Variants in ZGPAT observed in about 807,000 individuals in gnomAD.
ZGPAT encodes the protein zinc finger CCCH-type and G-patch domain containing.
In ZGPAT, 39 loss-of-function variants were observed where a neutral mutation model predicts 47.9. That is an observed-to-expected ratio of 0.81 (90% confidence interval 0.63 to 1.06). The LOEUF (loss-of-function observed/expected upper bound fraction) is 1.06, where lower values mean the gene tolerates loss of function less well. ZGPAT is among the 50% of genes least tolerant of loss of function. The pLI, the probability that ZGPAT is intolerant of heterozygous loss-of-function variation, is 0.00. For missense variants in ZGPAT, 717 were observed against 681.4 expected, an observed-to-expected ratio of 1.05 and a Z score of -0.58; for synonymous variants, 348 against 292.9, an observed-to-expected ratio of 1.19 and a Z score of -1.92.
rs1416986761 is a variant in ZGPAT at position 63,735,152 on chromosome 20, T to C, written c.992-7T>C. On this transcript the variant is annotated splice_polypyrimidine_tract_variant and splice_region_variant and intron_variant, in intron 5 of 6. Coordinates refer to ENST00000355969, the MANE Select transcript of ZGPAT (RefSeq NM_181485.3). ...GCCACAGCACTGCCATCCCCGTGCC[T>C]CCGCAGGTTTGGGCCGACACGCGGA... The C allele has an allele frequency of 6.6e-7, 1 of 1,506,462 alleles. No individual in the cohort carries two copies. The highest frequency in any genetic ancestry group is 8.9e-7 in the Non-Finnish European group (1 of 1,128,404). 93.3% of individuals were successfully genotyped at this position (1,506,462 alleles called of 1,614,324 possible).
intron 2 of ZGPAT, among the ~76,000 whole-genome samples, chr20:63,723,422 C>CAGCTCCATCCTCCCTTCTCCTCTGGCAT (rs1568792497): frequency 5.7e-5 from 8 of 141,308 alleles, no homozygotes; most frequent in East Asian, 2.3e-4. Flanking sequence ...TCCTATGACA[C>CAGCTCCATCCTCCCTTCTCCTCTGGCAT]AGCTCCATCC....
intron 2 of ZGPAT, among the ~76,000 whole-genome samples, chr20:63,723,678 T>G (rs561186168): frequency 3.3e-5 from 5 of 152,232 alleles, no homozygotes; most frequent in Non-Finnish European, 5.9e-5. Context: ...CTGACATAGC[T>G]CCATCCCCTC....
rs748587525 is a variant in ZGPAT at position 63,733,299 on chromosome 20, C to G, written c.665C>G (p.Ser222Cys). ...DPDLSSLQAGSACLAKHQDGL... is the reference protein window; with the variant it reads ...DPDLSSLQAGCACLAKHQDGL... ...GACCTGAGCTCCCTGCAGGCCGGCT[C>G]TGCGTGTCTGGCCAAGCACCAGGAT... The change falls in exon 3 of 7, where the codon TCT (serine) becomes TGT (cysteine). Residue 222 changes from serine to cysteine, a missense_variant. Ser to Cys is a moderately radical substitution (Grantham distance 112). Coordinates refer to ENST00000355969, the MANE Select transcript of ZGPAT (RefSeq NM_181485.3). 1.2e-6 allele frequency: 2 copies of G among 1,613,552 alleles called. No individual in the cohort carries two copies. The highest frequency in any genetic ancestry group is 2.2e-5 in the South Asian group (2 of 91,072).
intron 2 of ZGPAT, among the ~76,000 whole-genome samples, chr20:63,723,475 A>G (rs368120134): frequency 2.9e-5 from 4 of 138,328 alleles, no homozygotes; most frequent in Non-Finnish European, 4.7e-5. Context: ...TTCTCCTCTG[A>G]CATAGCTCCA....
chr20:63,716,806 T>C (rs2262311), intron 2 of ZGPAT, among the ~76,000 whole-genome samples: 144,266 of 152,278 alleles, frequency 0.95, 68,386 homozygotes, highest in East Asian at 0.99. Context: ...CTCAGCCTCC[T>C]GAGTAGCTGG....
At position 63,732,462 on chromosome 20, in the gene ZGPAT, TGC is replaced by T. The variant is rs1265347554; in HGVS notation, c.585-754_585-753del. On this transcript the variant is annotated intron_variant, in intron 2 of 6. Coordinates refer to ENST00000355969, the MANE Select transcript of ZGPAT (RefSeq NM_181485.3). ...ATGTGTGTAGGTAAGGGTGCTTGTG[TGC>T]GCATGTGTGTGGGTGAGGGCGTATG... 2.7e-4 allele frequency among the ~76,000 whole-genome samples: 33 copies of T among 120,082 alleles called. No homozygotes were observed. The East Asian group carries it at 3.1e-3, about 11-fold the overall frequency. The allele number at this position is 120,082 out of a possible 152,430, so 78.8% of individuals were successfully genotyped here.
At chr20:63,722,797 A>G (rs2091801876) in intron 2 of ZGPAT, among the ~76,000 whole-genome samples, 1 of 151,910 alleles carries the variant, frequency 6.6e-6, no homozygotes, top group Admixed American at 6.6e-5. Context: ...ACACCCGGCT[A>G]ATTTTGTATT....
intron 2 of ZGPAT, among the ~76,000 whole-genome samples, chr20:63,711,171 A>G (rs1441263172): frequency 6.6e-6 from 1 of 151,994 alleles, no homozygotes; most frequent in Non-Finnish European, 1.5e-5. Context: ...CTGATACTAC[A>G]AGTGTGCACT....
chr20:63,718,425 C>T (rs541149874), intron 2 of ZGPAT, among the ~76,000 whole-genome samples: 17 of 151,962 alleles, frequency 1.1e-4, no homozygotes, highest in South Asian at 2.1e-4. Context: ...CTCTGCCTCC[C>T]GGGTTCAAGT....
chr20:63,732,288 CGTGT>C (rs56046298), intron 2 of ZGPAT, among the ~76,000 whole-genome samples: 12 of 142,912 alleles, frequency 8.4e-5, no homozygotes, highest in East Asian at 2.1e-4. Context: ...TGGGTGAGGG[CGTGT>C]GTGTGTGCAT....
rs979480136 is a variant in ZGPAT, at chr20:63,736,060, C to T, written c.*141C>T. ...GAGTGGAGACAGAGCTGCGGGGTCC[C>T]ATCTGGACACTTACTTGCCCACCTG... is the stretch of plus-strand genomic sequence containing the variant. On this transcript the variant is annotated 3_prime_UTR_variant, in exon 7 of 7. Coordinates refer to ENST00000355969, the MANE Select transcript of ZGPAT (RefSeq NM_181485.3). 26 of 1,225,666 alleles carry T rather than the reference C, an allele frequency of 2.1e-5. No homozygotes were observed. In the African/African-American group the frequency reaches 3.1e-4, roughly 14 times the overall value. 75.9% of individuals were successfully genotyped at this position (1,225,666 alleles called of 1,614,324 possible).
rs575464881 is a variant in ZGPAT, at chr20:63,708,449, C to G, written c.-28-104C>G. The G allele has an allele frequency of 6.4e-6, 5 of 785,874 alleles. No individual in the cohort carries two copies. The South Asian group carries it at 7.5e-5, about 12-fold the overall frequency. 48.7% of individuals were successfully genotyped at this position (785,874 alleles called of 1,614,324 possible). A position where few individuals can be genotyped will look rare whatever the true frequency, so the allele number is the denominator to read the frequency against. On this transcript the variant is annotated intron_variant, in intron 1 of 6. Transcript: ENST00000355969. Reference sequence around the variant, plus strand: ...TGCGCTGGGAGCTGTGCCTCTGAGCCGGTGTCTCCCCGAGGGAAAGGGGAC... The same window carrying G: ...TGCGCTGGGAGCTGTGCCTCTGAGCGGGTGTCTCCCCGAGGGAAAGGGGAC...
chr20:63,715,644 G>T (rs145626941), intron 2 of ZGPAT, among the ~76,000 whole-genome samples: 6 of 152,234 alleles, frequency 3.9e-5, no homozygotes, highest in Admixed American at 1.3e-4. Context: ...ATTGATAAGG[G>T]ATATTGGTCT....
In ZGPAT at chr20:63,708,860, G is replaced by C. The variant is rs778865073; in HGVS notation, c.280G>C (p.Ala94Pro). ...CATCACTGAGGCGGTGGAGGCACCA[G>C]CAGCGGCCCGTGGGTCCGGATCAGA... ...EAITEAVEAP[A>P]AARGSGSETV... Residue 94 changes from alanine to proline, a missense_variant, in exon 2 of 7, where the codon GCA becomes CCA. By Grantham distance (27) the Ala-to-Pro change is conservative. Transcript: ENST00000355969. 6 of 1,608,064 alleles carry C rather than the reference G, an allele frequency of 3.7e-6. No individual in the cohort carries two copies. In the Admixed American group the frequency reaches 8.4e-5, roughly 22 times the overall value.
intron 2 of ZGPAT, among the ~76,000 whole-genome samples, chr20:63,721,650 C>G (rs1024802805): frequency 1.3e-5 from 2 of 152,168 alleles, no homozygotes; most frequent in African/African-American, 2.4e-5. Context: ...CTCTTCCTTC[C>G]TAGGCTTTTC....
At chr20:63,711,376 A>T (rs2091665992) in intron 2 of ZGPAT, among the ~76,000 whole-genome samples, 1 of 152,086 alleles carries the variant, frequency 6.6e-6, no homozygotes, top group Non-Finnish European at 1.5e-5. Context: ...CCCTGCAGTC[A>T]CACCATCTGA....
At position 63,732,081 on chromosome 20, in the gene ZGPAT, ATG is replaced by A. The variant is rs2091910578; in HGVS notation, c.585-1131_585-1130del. Among the ~76,000 whole-genome samples the A allele has an allele frequency of 2.0e-5, 3 of 146,572 alleles. No homozygotes were observed. In the South Asian group the frequency reaches 6.7e-4, roughly 33 times the overall value. On this transcript the variant is annotated intron_variant, in intron 2 of 6. Transcript: ENST00000355969. ...ATATGCATGTGTGTATATGCATGCCATGTGTGTGCATGTATGTGTATATGCAT... is the reference window on the plus strand; with the variant it reads ...ATATGCATGTGTGTATATGCATGCCATGTGTGCATGTATGTGTATATGCAT...
At chr20:63,719,364 C>A (rs1399974394) in intron 2 of ZGPAT, among the ~76,000 whole-genome samples, 1 of 152,070 alleles carries the variant, frequency 6.6e-6, no homozygotes, top group East Asian at 1.9e-4. Context: ...AGTTTTGTTT[C>A]TTTCTGTCTG....
Position 63,733,450 on chromosome 20 carries a change from G to A in ZGPAT, c.718+98G>A, listed in dbSNP as rs143662087. The stretch of plus-strand genomic sequence containing the variant: ...CCCTGCTTCCTTTGGGTTGAGTGTC[G>A]GGACTCTGGCTCTGGGCCCGAAATG... On this transcript the variant is annotated intron_variant, in intron 3 of 6. Transcript: ENST00000355969. 1,441 of 1,595,410 alleles carry A rather than the reference G, an allele frequency of 9.0e-4. 8 individuals are homozygous for A. The highest frequency in any genetic ancestry group is 1.7e-3 in the Middle Eastern group (10 of 5,986).
Sources: gnomAD v4.1 joint callset for allele counts (sites outside exome capture counted in the v4.1 genomes callset) on GRCh38, gnomAD v4.1.1 for gene constraint, MANE v1.5 for transcripts, NCBI Gene and HGNC (gene_info 2026-07-23, HGNC 2026-07-21) for gene names.